CRACR2A: variants seen among roughly 807,000 people sequenced by gnomAD.
CRACR2A encodes EF-hand calcium-binding domain-containing protein 4B.
A neutral mutation model predicts 90.5 loss-of-function variants in CRACR2A; 79 were observed. That is an observed-to-expected ratio of 0.87 (90% CI 0.73 to 1.05). CRACR2A has a LOEUF of 1.05. Among genes scored for constraint, CRACR2A ranks in the 50% least tolerant of loss-of-function variants. The pLI is 0.00. For missense variants in CRACR2A, 823 were observed against 897.2 expected (o/e 0.92, Z 1.06); for synonymous variants, 338 against 356.7 (o/e 0.95, Z 0.59).
chr12:3,656,479 C>G, intron 8 of CRACR2A, 73 bp from the exon 9 acceptor site: 1 of 1,365,340 alleles, frequency 7.3e-7, no homozygotes, highest in South Asian at 1.2e-5. Context: ...TTTTTTCCCA[C>G]CTTGAACCTA....
chr12:3,745,801 A>AAAAT, intron 1 of CRACR2A, among the ~76,000 whole-genome samples: 1 of 4,554 alleles, frequency 2.2e-4, no homozygotes. Flanking sequence ...AAAATAAAAT[A>AAAAT]AAATAAAATA....
At chr12:3,702,101 C>T (rs1235809279) in intron 3 of CRACR2A, among the ~76,000 whole-genome samples, 1 of 152,086 alleles carries the variant, frequency 6.6e-6, no homozygotes, top group Non-Finnish European at 1.5e-5. Context: ...ACGCATCTGA[C>T]AAAAGCTACT....
intron 6 of CRACR2A, among the ~76,000 whole-genome samples, chr12:3,678,336 T>C (rs957593495): frequency 6.6e-6 from 1 of 152,182 alleles, no homozygotes; most frequent in Non-Finnish European, 1.5e-5. Context: ...TTCCAAGTAG[T>C]GGCCTGCTAA....
chr12:3,722,133 C>G (rs2137816190), intron 2 of CRACR2A, among the ~76,000 whole-genome samples: 1 of 152,312 alleles, frequency 6.6e-6, no homozygotes, highest in South Asian at 2.1e-4. Context: ...CTTATTCATT[C>G]TGTAACCATA....
At chr12:3,630,873 A>G (rs1314041813) in intron 15 of CRACR2A, among the ~76,000 whole-genome samples, 2 of 152,178 alleles carry the variant, frequency 1.3e-5, no homozygotes, top group Admixed American at 6.5e-5. Flanking sequence ...AGTACAAAAC[A>G]TGCTCTTATG....
intron 15 of CRACR2A, among the ~76,000 whole-genome samples, chr12:3,629,397 T>C (rs1224985809): frequency 6.6e-6 from 1 of 151,972 alleles, no homozygotes; most frequent in African/African-American, 2.4e-5. Flanking sequence ...CAAGGGTGAG[T>C]TTTCTTCCTG....
intron 2 of CRACR2A, among the ~76,000 whole-genome samples, chr12:3,715,259 G>A (rs1258568876): frequency 1.3e-5 from 2 of 152,336 alleles, no homozygotes; most frequent in East Asian, 3.9e-4. Flanking sequence ...AAAGTAAAGA[G>A]TATTCTGTGA....
At chr12:3,645,518 G>A (rs973341252) in intron 11 of CRACR2A, among the ~76,000 whole-genome samples, 10 of 152,170 alleles carry the variant, frequency 6.6e-5, no homozygotes, top group Admixed American at 2.6e-4. Context: ...GGGGTGGTGG[G>A]GGTGAAGCAG....
chr12:3,626,609 T>C (rs559236266), intron 17 of CRACR2A, among the ~76,000 whole-genome samples: 1 of 152,154 alleles, frequency 6.6e-6, no homozygotes, highest in Non-Finnish European at 1.5e-5. Context: ...TTTGAACAAA[T>C]ACGTGAACAA....
Position 3,615,333 on chromosome 12 carries a change from G to C in CRACR2A, c.*22C>G. On this transcript the variant is annotated 3_prime_UTR_variant, in exon 20 of 20. Coordinates refer to ENST00000440314, the MANE Select transcript of CRACR2A (RefSeq NM_001144958.2). Reference sequence around the variant, plus strand: ...GGCTCTGTGACCTCAGGTTTGCTGGGGGCAGTCCTTGTAGGACCCTATCAG... The same window carrying C: ...GGCTCTGTGACCTCAGGTTTGCTGGCGGCAGTCCTTGTAGGACCCTATCAG... The C allele has an allele frequency of 6.5e-7, 1 of 1,548,918 alleles. No homozygotes were observed. Among genetic ancestry groups the C allele is most frequent in the Non-Finnish European group, 8.7e-7 (1 of 1,144,496 alleles).
chr12:3,654,161 T>C (rs773822956), intron 10 of CRACR2A, 51 bp downstream of exon 10: 3 of 1,585,174 alleles, frequency 1.9e-6, no homozygotes, highest in African/African-American at 2.7e-5. Context: ...ATGCCCATAG[T>C]GGGGAGTGGT....
intron 1 of CRACR2A, among the ~76,000 whole-genome samples, chr12:3,747,568 T>G (rs1379663554): frequency 6.6e-6 from 1 of 152,234 alleles, no homozygotes; most frequent in Non-Finnish European, 1.5e-5. Context: ...TGGACCTCAA[T>G]GCTGAGCAAT....
rs559898313 is a variant in CRACR2A, at chr12:3,746,710, G to C, written c.-387+6305C>G. On this transcript the variant is annotated intron_variant, in intron 1 of 19. Coordinates refer to ENST00000440314, the MANE Select transcript of CRACR2A (RefSeq NM_001144958.2). This position sits in a 1 kb window ranked among gnomAD's most constrained non-coding sequence, Gnocchi z 4.4. ...CAGGACCCTTTGCTGGCACAGCAGG[G>C]ACTTAGCATGCATGGAAGCTAATTA... is the stretch of plus-strand genomic sequence containing the variant. Among the ~76,000 whole-genome samples, 1 of 152,222 alleles carries C rather than the reference G, an allele frequency of 6.6e-6. No homozygotes were observed. Among genetic ancestry groups the C allele is most frequent in the African/African-American group, 2.4e-5 (1 of 41,462 alleles).
chr12:3,719,526 A>G (rs1300327150), intron 2 of CRACR2A, among the ~76,000 whole-genome samples: 1 of 152,188 alleles, frequency 6.6e-6, no homozygotes, highest in Non-Finnish European at 1.5e-5. Context: ...TGCATCACCC[A>G]AATCAATGAT....
chr12:3,730,349 G>A (rs567863931), intron 2 of CRACR2A: 4 of 152,218 alleles, frequency 2.6e-5, no homozygotes, highest in Admixed American at 6.5e-5. Flanking sequence ...ATGCCAGAGC[G>A]GGGCAGGGAG....
chr12:3,657,513 G>A (rs185599587), intron 8 of CRACR2A, among the ~76,000 whole-genome samples: 22 of 152,326 alleles, frequency 1.4e-4, no homozygotes, highest in South Asian at 4.1e-4. Flanking sequence ...GCTTCCTTGC[G>A]CATCCTCTAT....
Position 3,633,455 on chromosome 12 carries a change from C to G in CRACR2A, c.1735+149G>C. 1 of 1,104,280 alleles carries G rather than the reference C, an allele frequency of 9.1e-7. No homozygotes were observed. The highest frequency in any genetic ancestry group is 1.3e-6 in the Non-Finnish European group (1 of 785,972). The allele number at this position is 1,104,280 out of a possible 1,614,324, so 68.4% of individuals were successfully genotyped here. ...CTTCATCTTGCCCCTCCCAGCCTGT[C>G]TGTTGAACAGAGCAGACACCAGTAT... On this transcript the variant is annotated intron_variant, in intron 15 of 19. Transcript: ENST00000440314. This position sits in a 1 kb window ranked among gnomAD's most constrained non-coding sequence, Gnocchi z 4.5.
chr12:3,737,960 A>T (rs536897608), intron 1 of CRACR2A, among the ~76,000 whole-genome samples: 87 of 152,304 alleles, frequency 5.7e-4, no homozygotes, highest in Admixed American at 2.1e-3. Flanking sequence ...TTGTTTGGTG[A>T]CACTCCTTCT....
At chr12:3,722,214 G>C (rs1946192415) in intron 2 of CRACR2A, among the ~76,000 whole-genome samples, 1 of 152,102 alleles carries the variant, frequency 6.6e-6, no homozygotes, top group African/African-American at 2.4e-5. Flanking sequence ...ATTCTAACAG[G>C]GTTATTCCTT....
Sources: allele counts gnomAD v4.1 joint callset (sites outside exome capture counted in the v4.1 genomes callset), GRCh38; gene constraint gnomAD v4.1.1; non-coding constraint Gnocchi (gnomAD v3.1); transcripts MANE v1.5; gene names NCBI Gene and HGNC (gene_info 2026-07-23, HGNC 2026-07-21).